Variants in TAF1C observed in about 807,000 individuals in gnomAD.
The protein encoded by TAF1C is TATA box-binding protein-associated factor RNA polymerase I subunit C.
TAF1C carries 79 observed loss-of-function variants against 70.5 expected under a neutral mutation model. The observed-to-expected ratio is 1.12, with a 90% CI of 0.93 to 1.35. The LOEUF is 1.35. Ranked by LOEUF, TAF1C falls within the 40% of genes most tolerant of loss-of-function variation. The probability of loss-of-function intolerance (pLI) is 0.00; values close to 1 mark genes in which losing one functional copy is unlikely to be tolerated. For synonymous variants in TAF1C, 614 were observed against 491.1 expected, an observed-to-expected ratio of 1.25 and a Z score of -3.31; for missense variants, 1,412 against 1,127.8, an observed-to-expected ratio of 1.25 and a Z score of -3.61.
At chr16:84,180,937 G>C (rs1391402939) in intron 12 of TAF1C, 106 bp downstream of exon 12, 1 of 1,458,774 alleles carries the variant, frequency 6.9e-7, no homozygotes, top group African/African-American at 1.4e-5. Context: ...AGTTTGGTTT[G>C]CTGGGTGGTT....
At position 84,181,645 on chromosome 16, in the gene TAF1C, C is replaced by G; in HGVS notation, c.975G>C (p.Glu325Asp). The G allele has an allele frequency of 6.2e-7, 1 of 1,613,866 alleles. No homozygotes were observed. The highest frequency in any genetic ancestry group is 8.5e-7 in the Non-Finnish European group (1 of 1,179,992). The part of the protein sequence containing the change: ...GISLSPHLPG[E>D]LAICSRSGAV... ...CTCCCGAGCGGCTGCAGATGGCCAG[C>G]TCCCCGGGCAGGTGAGGGCTACAGG... is the stretch of plus-strand genomic sequence containing the variant. Residue 325 changes from glutamate (E) to aspartate (D), a missense_variant, in exon 10 of 15, where the codon GAG becomes GAC. Physicochemically the swap from Glu to Asp is conservative, Grantham distance 45 (BLOSUM62 2). Transcript: ENST00000566732.
rs952055791 is a variant in TAF1C at position 84,178,175 on chromosome 16, G to C, written c.*766C>G. 1 of 382,528 alleles carries C rather than the reference G, an allele frequency of 2.6e-6. No individual in the cohort carries two copies. The highest frequency in any genetic ancestry group is 3.4e-5 in the Admixed American group (1 of 29,698). 23.7% of individuals were successfully genotyped at this position (382,528 alleles called of 1,614,324 possible). Reference sequence around the variant, plus strand: ...GAAGGGGAGGGAGGAAAGAAAGGGGGGAGTCTGTGAGGCACAACAGAGAAT... The same window carrying C: ...GAAGGGGAGGGAGGAAAGAAAGGGGCGAGTCTGTGAGGCACAACAGAGAAT... On this transcript the variant is annotated 3_prime_UTR_variant, in exon 15 of 15. Coordinates refer to ENST00000566732, the MANE Select transcript of TAF1C (RefSeq NM_001243156.2).
At position 84,179,935 on chromosome 16, in the gene TAF1C, A is replaced by C. The variant is rs762983406; in HGVS notation, c.1621+11T>G. On this transcript the variant is annotated intron_variant, in intron 14 of 14. Transcript: ENST00000566732. ...CTGCGCCCCCCAAGCTCACTCCCCC[A>C]CCCAGCACACCTATGGTCGGTGCTT... 2 of 1,611,484 alleles carry C rather than the reference A, an allele frequency of 1.2e-6. No homozygotes were observed. Among genetic ancestry groups the C allele is most frequent in the Non-Finnish European group, 1.7e-6 (2 of 1,179,554 alleles).
Position 84,181,589 on chromosome 16 carries a change from T to C in TAF1C, c.1028+3A>G. On this transcript the variant is annotated splice_donor_region_variant and intron_variant, in intron 10 of 14. Coordinates refer to ENST00000566732, the MANE Select transcript of TAF1C (RefSeq NM_001243156.2). ...TGGGGGGTTTCACAGGAAGCGGCGA[T>C]ACCCATCCTCAGGGCTCCACAGGCA... 1 of 1,613,878 alleles carries C rather than the reference T, an allele frequency of 6.2e-7. No individual in the cohort carries two copies. The highest frequency in any genetic ancestry group is 8.5e-7 in the Non-Finnish European group (1 of 1,179,964).
At chr16:84,186,241 G>A (rs2089481670) in intron 1 of TAF1C, among the ~76,000 whole-genome samples, 1 of 152,178 alleles carries the variant, frequency 6.6e-6, no homozygotes, top group Non-Finnish European at 1.5e-5. Flanking sequence ...GCTAGCATTA[G>A]AGTCTCGCTA....
chr16:84,182,472 CGGT>C lies in TAF1C; in HGVS notation c.483-35_483-33del. 1 of 1,574,890 alleles carries C rather than the reference CGGT, an allele frequency of 6.3e-7. No homozygotes were observed. The stretch of plus-strand genomic sequence containing the variant: ...ACCAGAGAACAGCAGGAGGATCACT[CGGT>C]GGCACTCAGGGGAGGACAGGTCCCA... On this transcript the variant is annotated intron_variant, in intron 6 of 14. Coordinates refer to ENST00000566732, the MANE Select transcript of TAF1C (RefSeq NM_001243156.2). The surrounding 1 kb of genome is among the most constrained non-coding windows in gnomAD (Gnocchi z 5.0).
In TAF1C at chr16:84,184,867, T is replaced by G. The variant is rs1224624717; in HGVS notation, c.122A>C (p.Gln41Pro). 1 of 1,607,540 alleles carries G rather than the reference T, an allele frequency of 6.2e-7. No homozygotes were observed. The highest frequency in any genetic ancestry group is 1.7e-5 in the Admixed American group (1 of 58,924). The change falls in exon 2 of 15, where the codon CAG becomes CCG. Residue 41 changes from glutamine to proline, a missense_variant. Physicochemically the swap from Gln to Pro is moderately conservative, Grantham distance 76. Coordinates refer to ENST00000566732, the MANE Select transcript of TAF1C (RefSeq NM_001243156.2). ...WRDALTLPEA[Q>P]PQNSENGALH... ...CATCCTCACCTCTGAGTTCTGGGGC[T>G]GGGCCTCTGGCAGAGTCAGTGCGTC...
chr16:84,179,193 C>T lies in TAF1C; in HGVS notation c.2280G>A (p.Leu760=). The change falls in exon 15 of 15, where the codon CTG becomes CTA. Residue 760 remains leucine, a synonymous_variant. Transcript: ENST00000566732. ...AGGGCGGGGTCGTGGGGGGCAGGGG[C>T]AGAGCATCAGCAGGTGGCCACTCAG... ...HSPEWPPADA[L]PLPPTTPPSQ... 1.3e-6 allele frequency: 2 copies of T among 1,589,156 alleles called. No homozygotes were observed. The highest frequency in any genetic ancestry group is 1.7e-6 in the Non-Finnish European group (2 of 1,173,788).
At position 84,180,309 on chromosome 16, in the gene TAF1C, CA is replaced by C; in HGVS notation, c.1343del (p.Leu448ArgfsTer5). ...CATGGTTCCACTTCAGCATCGGCAC[CA>C]GGGGAAGGCGCTCGTCCACTAGGTA... ...SLYLVDERLP[L>X]VPMLKWNHGL... On this transcript the variant is annotated frameshift_variant, in exon 13 of 15. Transcript: ENST00000566732. LOFTEE classifies it high-confidence loss of function. 1 of 1,547,436 alleles carries C rather than the reference CA, an allele frequency of 6.5e-7. No individual in the cohort carries two copies. The highest frequency in any genetic ancestry group is 2.4e-5 in the East Asian group (1 of 41,054).
rs781451076 is a variant in TAF1C at position 84,182,231 on chromosome 16, T to A, written c.692A>T (p.Tyr231Phe). 6.2e-7 allele frequency: 1 copy of A among 1,612,674 alleles called. No individual in the cohort carries two copies. Among genetic ancestry groups the A allele is most frequent in the Non-Finnish European group, 8.5e-7 (1 of 1,179,774 alleles). ...GRTPQFGQLV[Y>F]PAGGAQDRLH... ...CCTGTCCTGGGCGCCTCCAGCAGGG[T>A]AGACCAGCTGCCCGAACTGGGGTGT... Residue 231 changes from tyrosine (Y) to phenylalanine (F), a missense_variant, in exon 7 of 15, where the codon TAC becomes TTC. Transcript: ENST00000566732. This position sits in a 1 kb window ranked among gnomAD's most constrained non-coding sequence, Gnocchi z 5.0.
Position 84,183,463 on chromosome 16 carries a change from C to A in TAF1C, c.265G>T (p.Gly89Ter), listed in dbSNP as rs775299344. The A allele has an allele frequency of 2.5e-6, 4 of 1,611,968 alleles. No homozygotes were observed. The highest frequency in any genetic ancestry group is 3.4e-6 in the Non-Finnish European group (4 of 1,179,056). ...GLTARDLLFRGGCRYRKRPRV... is the reference protein window; with the variant it reads ...GLTARDLLFR Reference sequence around the variant, plus strand: ...GGCCGCTTCCGATACCGGCACCCTCCGCGGAAAAGCAGGTCCCGGGCAGTC... The same window carrying A: ...GGCCGCTTCCGATACCGGCACCCTCAGCGGAAAAGCAGGTCCCGGGCAGTC... The change falls in exon 4 of 15, where the codon GGA (glycine) becomes TGA (stop). Residue 89 changes from glycine (G) to a stop codon, truncating the protein, a stop_gained. Transcript: ENST00000566732. LOFTEE classifies it high-confidence loss of function.
intron 12 of TAF1C, 100 bp downstream of exon 12, chr16:84,180,943 T>C: frequency 6.8e-7 from 1 of 1,459,930 alleles, no homozygotes; most frequent in Non-Finnish European, 9.1e-7. Context: ...GTTTGCTGGG[T>C]GGTTGTCTGG....
At position 84,178,341 on chromosome 16, in the gene TAF1C, C is replaced by A. The variant is rs754902473; in HGVS notation, c.*600G>T. The A allele has an allele frequency of 2.2e-6, 1 of 456,798 alleles. No individual in the cohort carries two copies. The highest frequency in any genetic ancestry group is 1.5e-5 in the South Asian group (1 of 64,558). The allele number at this position is 456,798 out of a possible 1,614,324, so 28.3% of individuals were successfully genotyped here. ...GCTCAGTGTCAGGTAGTAGCTGTGG[C>A]GGGACGCTGTCCAGCCTAAAAAACG... is the stretch of plus-strand genomic sequence containing the variant. On this transcript the variant is annotated 3_prime_UTR_variant, in exon 15 of 15. Coordinates refer to ENST00000566732, the MANE Select transcript of TAF1C (RefSeq NM_001243156.2).
Position 84,179,200 on chromosome 16 carries a change from T to C in TAF1C, c.2273A>G (p.Asp758Gly), listed in dbSNP as rs149507576. ...SPHSPEWPPA[D>G]ALPLPPTTPP... ...GGTCGTGGGGGGCAGGGGCAGAGCA[T>C]CAGCAGGTGGCCACTCAGGGCTATG... The change falls in exon 15 of 15, where the codon GAT (aspartate) becomes GGT (glycine). Residue 758 changes from aspartate to glycine, a missense_variant. By Grantham distance (94) the Asp-to-Gly change is moderately conservative. Transcript: ENST00000566732. The C allele has an allele frequency of 2.9e-5, 46 of 1,587,996 alleles. 1 individual carries two copies. Among genetic ancestry groups the C allele is most frequent in the African/African-American group, 2.8e-4 (21 of 74,828 alleles).
In TAF1C at chr16:84,178,062, G is replaced by A. The variant is rs1310171538; in HGVS notation, c.*879C>T. 2 of 532,258 alleles carry A rather than the reference G, an allele frequency of 3.8e-6. No individual in the cohort carries two copies. Among genetic ancestry groups the A allele is most frequent in the East Asian group, 7.2e-5 (2 of 27,922 alleles). The allele number at this position is 532,258 out of a possible 1,614,324, so 33.0% of individuals were successfully genotyped here. A position where few individuals can be genotyped will look rare whatever the true frequency, so the allele number is the denominator to read the frequency against. ...CGGGTCCCTGCAAAATCTCAAGTGA[G>A]CATTTTCCCCACAGGAAAACAGAAT... On this transcript the variant is annotated 3_prime_UTR_variant, in exon 15 of 15. Coordinates refer to ENST00000566732, the MANE Select transcript of TAF1C (RefSeq NM_001243156.2).
At position 84,182,351 on chromosome 16, in the gene TAF1C, G is replaced by A. The variant is rs757922920; in HGVS notation, c.572C>T (p.Ala191Val). ...CACCAGCTCCTCGTGCAGCAGCTCT[G>A]CCAAGTGGCTCGCCACCGACGTGCC... ...ILGTSVASHL[A>V]ELLHEELVLR... The change falls in exon 7 of 15, where the codon GCA becomes GTA. Residue 191 changes from alanine to valine, a missense_variant. By Grantham distance (64) the Ala-to-Val change is moderately conservative. Transcript: ENST00000566732. This position sits in a 1 kb window ranked among gnomAD's most constrained non-coding sequence, Gnocchi z 5.0. The A allele has an allele frequency of 2.5e-6, 4 of 1,612,246 alleles. No individual in the cohort carries two copies. Among genetic ancestry groups the A allele is most frequent in the Middle Eastern group, 3.3e-4 (2 of 6,056 alleles).
intron 12 of TAF1C, 27 bp downstream of exon 12, chr16:84,181,016 G>A (rs2089150367): frequency 6.3e-7 from 1 of 1,582,902 alleles, no homozygotes; most frequent in African/African-American, 1.3e-5. Flanking sequence ...GCAGAGGTGG[G>A]GCGGGGCGGT....
chr16:84,178,270 C>G lies in TAF1C; in HGVS notation c.*671G>C. 2.2e-6 allele frequency: 1 copy of G among 451,604 alleles called. No homozygotes were observed. Among genetic ancestry groups the G allele is most frequent in the Non-Finnish European group, 4.5e-6 (1 of 223,986 alleles). The allele number at this position is 451,604 out of a possible 1,614,324, so 28.0% of individuals were successfully genotyped here. On this transcript the variant is annotated 3_prime_UTR_variant, in exon 15 of 15. Transcript: ENST00000566732. ...ATCGACAGCCCACAGGTGCCAGACC[C>G]ATGTCCCAAGGGAGAAGGAACATCA... is the stretch of plus-strand genomic sequence containing the variant.
chr16:84,182,223 C>T lies in TAF1C; in HGVS notation c.700G>A (p.Gly234Arg). Reference protein sequence around the residue: ...PQFGQLVYPAGGAQDRLHFQE... With the variant: ...PQFGQLVYPARGAQDRLHFQE... ...ATACGCAGCCTGTCCTGGGCGCCTC[C>T]AGCAGGGTAGACCAGCTGCCCGAAC... Residue 234 changes from glycine (G) to arginine (R), a missense_variant, in exon 7 of 15, where the codon GGA (glycine) becomes AGA (arginine). By Grantham distance (125) the Gly-to-Arg change is moderately radical. Coordinates refer to ENST00000566732, the MANE Select transcript of TAF1C (RefSeq NM_001243156.2). The surrounding 1 kb of genome is among the most constrained non-coding windows in gnomAD (Gnocchi z 5.0). 1.9e-6 allele frequency: 3 copies of T among 1,612,224 alleles called. No homozygotes were observed. Among genetic ancestry groups the T allele is most frequent in the African/African-American group, 1.3e-5 (1 of 75,050 alleles).
Sources: allele counts gnomAD v4.1 joint callset (sites outside exome capture counted in the v4.1 genomes callset), GRCh38; gene constraint gnomAD v4.1.1; non-coding constraint Gnocchi (gnomAD v3.1); transcripts MANE v1.5; gene names NCBI Gene and HGNC (gene_info 2026-07-23, HGNC 2026-07-21).